The following IKZF2 variants were observed in gnomAD, a reference collection of about 807,000 sequenced individuals.
IKZF2 encodes zinc finger protein Helios.
A neutral mutation model predicts 49.2 loss-of-function variants in IKZF2; 15 were observed. That is an observed-to-expected ratio of 0.30 (90% CI 0.20 to 0.47). The LOEUF (loss-of-function observed/expected upper bound fraction) is 0.47, where lower values mean the gene tolerates loss of function less well. Among genes scored for constraint, IKZF2 ranks in the 20% least tolerant of loss-of-function variants. The probability of loss-of-function intolerance (pLI) is 1.00; values close to 1 mark genes in which losing one functional copy is unlikely to be tolerated. For synonymous variants in IKZF2, 227 were observed against 221.4 expected (o/e 1.03, Z -0.23); for missense variants, 567 against 664.6 (o/e 0.85, Z 1.61).
chr2:213,118,606 T>G (rs2059952347), intron 4 of IKZF2, among the ~76,000 whole-genome samples: 1 of 152,224 alleles, frequency 6.6e-6, no homozygotes, highest in African/African-American at 2.4e-5. Context: ...CTAAAACTTT[T>G]TTTCCCAGAA....
chr2:213,104,862 A>T (rs1400556822), intron 4 of IKZF2, among the ~76,000 whole-genome samples: 1 of 152,132 alleles, frequency 6.6e-6, no homozygotes, highest in South Asian at 2.1e-4. Context: ...CCATTCCCAT[A>T]CTCAGATAAG....
chr2:213,073,618 A>G (rs956893073), intron 4 of IKZF2, among the ~76,000 whole-genome samples: 1 of 152,230 alleles, frequency 6.6e-6, no homozygotes, highest in Non-Finnish European at 1.5e-5. Flanking sequence ...CAAAATGTAA[A>G]GCATATATTA....
At chr2:213,039,014 T>A (rs1471236044) in intron 6 of IKZF2, among the ~76,000 whole-genome samples, 3 of 152,214 alleles carry the variant, frequency 2.0e-5, no homozygotes, top group South Asian at 4.1e-4. Context: ...ATTTTTTTTT[T>A]TTATTTTTAA....
chr2:213,075,165 A>T (rs1160367224), intron 4 of IKZF2, among the ~76,000 whole-genome samples: 1 of 152,140 alleles, frequency 6.6e-6, no homozygotes, highest in Admixed American at 6.5e-5. Flanking sequence ...TCGTTATTTC[A>T]ACACATGTCC....
intron 4 of IKZF2, among the ~76,000 whole-genome samples, chr2:213,072,607 C>T (rs571736669): frequency 2.7e-5 from 4 of 146,650 alleles, no homozygotes; most frequent in African/African-American, 1.0e-4. Flanking sequence ...TTTTATAAGC[C>T]TTAGTGAATT....
At chr2:213,092,418 T>C (rs1170944335) in intron 4 of IKZF2, among the ~76,000 whole-genome samples, 1 of 152,140 alleles carries the variant, frequency 6.6e-6, no homozygotes, top group Non-Finnish European at 1.5e-5. Context: ...TTACTTCAAA[T>C]ATAGCTGGCT....
intron 4 of IKZF2, among the ~76,000 whole-genome samples, chr2:213,115,281 T>C (rs2059834813): frequency 1.5e-5 from 1 of 65,632 alleles, no homozygotes; most frequent in Non-Finnish European, 4.9e-5. Context: ...CGATCCTAAT[T>C]TGAGGTATGA....
intron 4 of IKZF2, among the ~76,000 whole-genome samples, chr2:213,077,958 C>T (rs1208684274): frequency 6.6e-6 from 1 of 152,038 alleles, no homozygotes; most frequent in Non-Finnish European, 1.5e-5. Flanking sequence ...CTATATTTCT[C>T]TCTAAAATCT....
chr2:213,076,403 A>G (rs918282577), intron 4 of IKZF2, among the ~76,000 whole-genome samples: 2 of 152,236 alleles, frequency 1.3e-5, no homozygotes, highest in Admixed American at 6.5e-5. Flanking sequence ...AACACAAATA[A>G]TGTGTAGTAG....
chr2:213,095,681 T>C (rs1343579652), intron 4 of IKZF2, among the ~76,000 whole-genome samples: 1 of 152,104 alleles, frequency 6.6e-6, no homozygotes, highest in Non-Finnish European at 1.5e-5. Flanking sequence ...TACTGAAGTT[T>C]CTTATGGTAG....
At chr2:213,108,875 A>G (rs2059613958) in intron 4 of IKZF2, among the ~76,000 whole-genome samples, 1 of 152,064 alleles carries the variant, frequency 6.6e-6, no homozygotes, top group Admixed American at 6.6e-5. Context: ...CTCAAAAATG[A>G]CCACTATTCA....
intron 4 of IKZF2, among the ~76,000 whole-genome samples, chr2:213,075,795 C>T (rs1703191021): frequency 2.6e-5 from 4 of 151,982 alleles, no homozygotes; most frequent in Admixed American, 6.6e-5. Flanking sequence ...TTCATGTGAC[C>T]TCTATCTTGA....
At chr2:213,098,434 C>T (rs1409628974) in intron 4 of IKZF2, among the ~76,000 whole-genome samples, 1 of 149,870 alleles carries the variant, frequency 6.7e-6, no homozygotes, top group African/African-American at 2.5e-5. Context: ...TGGCATTCAA[C>T]CTTACACAAA....
At chr2:213,013,664 A>T (rs1235325385) in intron 8 of IKZF2, 127 bp downstream of exon 8, 6 of 815,022 alleles carry the variant, frequency 7.4e-6, no homozygotes, top group Non-Finnish European at 9.6e-6. Flanking sequence ...AAAAAGAATA[A>T]TGAAGAAAAG....
chr2:213,097,006 T>C (rs973573835), intron 4 of IKZF2, among the ~76,000 whole-genome samples: 1 of 151,986 alleles, frequency 6.6e-6, no homozygotes, highest in Non-Finnish European at 1.5e-5. Flanking sequence ...TTCCTGAGAT[T>C]ACAAAAGTTT....
chr2:213,064,903 A>G (rs555103043), intron 4 of IKZF2, among the ~76,000 whole-genome samples: 1 of 152,112 alleles, frequency 6.6e-6, no homozygotes, highest in African/African-American at 2.4e-5. Context: ...TAATCTTCCT[A>G]TTGCAGAGTT....
chr2:213,014,055 A>G, intron 7 of IKZF2, 121 bp from the exon 8 acceptor site: 2 of 806,658 alleles, frequency 2.5e-6, no homozygotes, highest in Non-Finnish European at 4.0e-6. Context: ...AGAAGCAAGT[A>G]GAAAGAATAC....
At chr2:213,083,204 C>G (rs188356643) in intron 4 of IKZF2, among the ~76,000 whole-genome samples, 2 of 152,182 alleles carry the variant, frequency 1.3e-5, no homozygotes, top group East Asian at 3.9e-4. Context: ...TCTATAAGTT[C>G]TAGTGCCAGG....
chr2:213,025,013 T>C (rs1215703440), intron 6 of IKZF2, among the ~76,000 whole-genome samples: 3 of 152,088 alleles, frequency 2.0e-5, no homozygotes, highest in East Asian at 3.8e-4. Flanking sequence ...TGTTACCAAC[T>C]GAAGCGGACT....
Sources: allele counts gnomAD v4.1 joint callset (sites outside exome capture counted in the v4.1 genomes callset), GRCh38; gene constraint gnomAD v4.1.1; transcripts MANE v1.5; gene names NCBI Gene and HGNC (gene_info 2026-07-23, HGNC 2026-07-21).